The following MACROD1 variants were observed in gnomAD, a reference collection of about 807,000 sequenced individuals.
MACROD1 encodes ADP-ribose glycohydrolase MACROD1.
Under a neutral mutation model 41.4 loss-of-function variants are expected in MACROD1, and 31 were observed. The ratio of observed to expected loss-of-function variants is 0.75; its 90% CI spans 0.56 to 1.01. The LOEUF is 1.01. Among genes scored for constraint, MACROD1 ranks in the 50% least tolerant of loss-of-function variants. The pLI, the probability that MACROD1 is intolerant of heterozygous loss-of-function variation, is 0.00. For synonymous variants in MACROD1, 252 were observed against 203.4 expected (o/e 1.24, Z -2.03); for missense variants, 473 against 460.0 (o/e 1.03, Z -0.26).
chr11:64,090,886 G>A lies in MACROD1; in HGVS notation c.517+60353C>T, dbSNP rs192355937. 1.4e-3 allele frequency among the ~76,000 whole-genome samples: 217 copies of A among 152,166 alleles called. 1 individual carries two copies. Among genetic ancestry groups the A allele is most frequent in the African/African-American group, 4.9e-3 (205 of 41,522 alleles). On this transcript the variant is annotated intron_variant, in intron 3 of 10. Coordinates refer to ENST00000255681, the MANE Select transcript of MACROD1 (RefSeq NM_014067.4). The surrounding 1 kb of genome is among the most constrained non-coding windows in gnomAD (Gnocchi z 4.7). The stretch of plus-strand genomic sequence containing the variant: ...CTGAGGGACGAAGTAAAGCAGGAGA[G>A]GGCAGGGGGAGGGACAGCCAGGGTG...
intron 3 of MACROD1, among the ~76,000 whole-genome samples, chr11:64,070,835 G>A (rs943702198): frequency 6.6e-6 from 1 of 152,160 alleles, no homozygotes; most frequent in East Asian, 1.9e-4. Flanking sequence ...GCTCTTTCTC[G>A]TTTTGGAAGA....
At chr11:64,165,640 C>T in intron 1 of MACROD1, 57 bp downstream of exon 1, 2 of 1,321,224 alleles carry the variant, frequency 1.5e-6, no homozygotes, top group Non-Finnish European at 9.8e-7. Context: ...GCCGCCCAGC[C>T]GGGAAGCTCC....
At chr11:64,041,090 C>T (rs1182659895) in intron 3 of MACROD1, among the ~76,000 whole-genome samples, 1 of 151,224 alleles carries the variant, frequency 6.6e-6, no homozygotes, top group Non-Finnish European at 1.5e-5. Context: ...CATTCCTGCC[C>T]GCGTCACTCT....
chr11:64,118,063 A>G lies in MACROD1; in HGVS notation c.517+33176T>C, dbSNP rs1945026234. ...AACCGGGGCAGCAGGAAAAAGGATG[A>G]CTATATGGAGTCAGGGACCAAGAAG... On this transcript the variant is annotated intron_variant, in intron 3 of 10. Coordinates refer to ENST00000255681, the MANE Select transcript of MACROD1 (RefSeq NM_014067.4). 6.2e-7 allele frequency: 1 copy of G among 1,613,324 alleles called. No individual in the cohort carries two copies.
rs560451980 is a variant in MACROD1 at position 64,058,843 on chromosome 11, G to C, written c.518-43562C>G. 1.5e-3 allele frequency among the ~76,000 whole-genome samples: 231 copies of C among 151,118 alleles called. 1 individual carries two copies. The highest frequency in any genetic ancestry group is 2.4e-3 in the Non-Finnish European group (166 of 68,012). Reference sequence around the variant, plus strand: ...GGGCGTGAAGAGGGCAGCCGGCAAGGGGGGGTAGGACCAGTGATAGGGGAG... The same window carrying C: ...GGGCGTGAAGAGGGCAGCCGGCAAGCGGGGGTAGGACCAGTGATAGGGGAG... On this transcript the variant is annotated intron_variant, in intron 3 of 10. Coordinates refer to ENST00000255681, the MANE Select transcript of MACROD1 (RefSeq NM_014067.4).
intron 3 of MACROD1, among the ~76,000 whole-genome samples, chr11:64,097,334 C>T (rs73498173): frequency 0.024 from 3,591 of 152,330 alleles, 138 homozygotes; most frequent in African/African-American, 0.082. Flanking sequence ...AACTCCCAGG[C>T]CACCTCTGGC....
At chr11:64,134,657 C>A (rs1945308817) in intron 3 of MACROD1, among the ~76,000 whole-genome samples, 1 of 152,100 alleles carries the variant, frequency 6.6e-6, no homozygotes, top group African/African-American at 2.4e-5. Flanking sequence ...CCGGCTGCGC[C>A]ACACCTGTAC....
At chr11:64,164,680 C>T (rs928543518) in intron 1 of MACROD1, among the ~76,000 whole-genome samples, 6 of 152,238 alleles carry the variant, frequency 3.9e-5, no homozygotes, top group African/African-American at 1.2e-4. Flanking sequence ...CCCGAGAAAG[C>T]CATCTTCTCT....
chr11:64,008,401 G>GGCGGGAGGTCCCACGCACACAT (rs1942949771), intron 4 of MACROD1, among the ~76,000 whole-genome samples: 1 of 148,478 alleles, frequency 6.7e-6, no homozygotes, highest in African/African-American at 2.5e-5. Context: ...GGCCTGGGGA[G>GGCGGGAGGTCCCACGCACACAT]AGGCGCCCAG....
intron 3 of MACROD1, among the ~76,000 whole-genome samples, chr11:64,148,075 G>A (rs538347896): frequency 7.2e-5 from 11 of 152,272 alleles, no homozygotes; most frequent in South Asian, 2.1e-4. Flanking sequence ...GGAGGTCACA[G>A]GCAGATGCCT....
chr11:64,086,684 G>C (rs141117055), intron 3 of MACROD1, among the ~76,000 whole-genome samples: 3 of 152,166 alleles, frequency 2.0e-5, no homozygotes, highest in African/African-American at 7.2e-5. Flanking sequence ...CATGTGTTCA[G>C]GGAAGACAGA....
At position 64,120,452 on chromosome 11, in the gene MACROD1, T is replaced by G. The variant is rs935744470; in HGVS notation, c.517+30787A>C. ...CTGTAATCCCAGCACTTTGGGAGAC[T>G]GAGGCAGGCAGATTTTCTGAGGTCA... On this transcript the variant is annotated intron_variant, in intron 3 of 10. Transcript: ENST00000255681. The surrounding 1 kb of genome is among the most constrained non-coding windows in gnomAD (Gnocchi z 4.5). Among the ~76,000 whole-genome samples the G allele has an allele frequency of 1.1e-4, 17 of 152,124 alleles. No individual in the cohort carries two copies. Among genetic ancestry groups the G allele is most frequent in the Non-Finnish European group, 1.0e-4 (7 of 68,014 alleles).
intron 1 of MACROD1, among the ~76,000 whole-genome samples, chr11:64,157,385 C>T (rs764375081): frequency 4.6e-5 from 7 of 152,210 alleles, no homozygotes; most frequent in African/African-American, 7.2e-5. Flanking sequence ...TGAGCCACCG[C>T]GCCCGGCCTT....
chr11:64,078,126 C>T (rs996740607), intron 3 of MACROD1, among the ~76,000 whole-genome samples: 4 of 152,220 alleles, frequency 2.6e-5, no homozygotes, highest in African/African-American at 7.2e-5. Context: ...CTGCAGGCAG[C>T]ACTCCTTTCC....
At chr11:64,077,787 G>A (rs527400428) in intron 3 of MACROD1, among the ~76,000 whole-genome samples, 1 of 152,358 alleles carries the variant, frequency 6.6e-6, no homozygotes, top group South Asian at 2.1e-4. Context: ...ACTGGGCCCT[G>A]GCTGGGCCTC....
intron 3 of MACROD1, among the ~76,000 whole-genome samples, chr11:64,085,111 G>T (rs1436255952): frequency 6.6e-6 from 1 of 152,242 alleles, no homozygotes; most frequent in Non-Finnish European, 1.5e-5. Flanking sequence ...TCAAGCCCAT[G>T]CAGTGGGGCA....
rs146364545 is a variant in MACROD1 at position 64,105,172 on chromosome 11, G to A, written c.517+46067C>T. ...TTGCTGTTATTTATTATAAAAGTGC[G>A]CCAGCCCGACAGCGGGGCCGCGAGC... On this transcript the variant is annotated intron_variant, in intron 3 of 10. Transcript: ENST00000255681. 8.9e-4 allele frequency among the ~76,000 whole-genome samples: 135 copies of A among 152,336 alleles called. 2 individuals are homozygous for A. The highest frequency in any genetic ancestry group is 2.9e-3 in the African/African-American group (121 of 41,570).
chr11:64,044,487 G>T (rs761992963), intron 3 of MACROD1, among the ~76,000 whole-genome samples: 98 of 152,038 alleles, frequency 6.4e-4, no homozygotes, highest in Non-Finnish European at 1.3e-3. Context: ...GGCCTCAAGC[G>T]ATCCTCCCGC....
intron 3 of MACROD1, among the ~76,000 whole-genome samples, chr11:64,053,158 G>A (rs11231684): frequency 6.6e-6 from 1 of 152,036 alleles, no homozygotes; most frequent in African/African-American, 2.4e-5. Context: ...GGCCCCAGAC[G>A]GAGAGCTGGG....
Sources: gnomAD v4.1 joint callset for allele counts (sites outside exome capture counted in the v4.1 genomes callset) on GRCh38, gnomAD v4.1.1 for gene constraint, Gnocchi (gnomAD v3.1) non-coding constraint, MANE v1.5 for transcripts, NCBI Gene and HGNC (gene_info 2026-07-23, HGNC 2026-07-21) for gene names.